BRDT: variants seen among roughly 807,000 people sequenced by gnomAD.
BRDT encodes bromodomain testis-specific protein.
BRDT carries 77 observed loss-of-function variants against 113.9 expected under a neutral mutation model. The ratio of observed to expected loss-of-function variants is 0.68; its 90% CI spans 0.56 to 0.82. BRDT has a LOEUF of 0.82. BRDT is among the 40% of genes least tolerant of loss of function. The pLI is 0.00. For missense variants in BRDT, 1,027 were observed against 1,105.4 expected (o/e 0.93, Z 1.01); for synonymous variants, 358 against 366.5 (o/e 0.98, Z 0.26).
At position 91,962,724 on chromosome 1, in the gene BRDT, T is replaced by A; in HGVS notation, c.-31T>A. ...CTCAGTTTTTGTTTTTCAGGACATGTACTTGTAGACAGGATTCAAAGCAGT... is the reference window on the plus strand; with the variant it reads ...CTCAGTTTTTGTTTTTCAGGACATGAACTTGTAGACAGGATTCAAAGCAGT... On this transcript the variant is annotated 5_prime_UTR_variant, in exon 2 of 19. Transcript: ENST00000399546. 2 of 1,521,118 alleles carry A rather than the reference T, an allele frequency of 1.3e-6. No homozygotes were observed. Among genetic ancestry groups the A allele is most frequent in the Non-Finnish European group, 8.8e-7 (1 of 1,136,256 alleles). 94.2% of individuals were successfully genotyped at this position (1,521,118 alleles called of 1,614,324 possible).
chr1:91,983,607 A>T (rs927481517), intron 12 of BRDT, among the ~76,000 whole-genome samples: 1 of 151,892 alleles, frequency 6.6e-6, no homozygotes, highest in Non-Finnish European at 1.5e-5. Flanking sequence ...TATGGCTGAC[A>T]TTTTTGTTTA....
chr1:91,992,816 G>C lies in BRDT; in HGVS notation c.2115+502G>C, dbSNP rs367726018. ...CTCCCAAAGTGCTGGGATTACAGGC[G>C]TGAGCCACCATGCCTGGCCTTCCCA... On this transcript the variant is annotated intron_variant, in intron 14 of 18. Transcript: ENST00000399546. Among the ~76,000 whole-genome samples the C allele has an allele frequency of 4.3e-3, 657 of 152,258 alleles. 5 individuals carry two copies. The highest frequency in any genetic ancestry group is 0.017 in the Middle Eastern group (5 of 294).
intron 8 of BRDT, 73 bp from the exon 9 acceptor site, chr1:91,980,570 T>A: frequency 1.6e-6 from 2 of 1,264,994 alleles, no homozygotes; most frequent in South Asian, 2.5e-5. Flanking sequence ...GACTTTGGAG[T>A]GGCTTGATTT....
intron 4 of BRDT, among the ~76,000 whole-genome samples, chr1:91,974,859 A>G (rs999107423): frequency 6.6e-6 from 1 of 152,222 alleles, no homozygotes; most frequent in African/African-American, 2.4e-5. Flanking sequence ...ACTATTCACA[A>G]TAGCAAAGAC....
chr1:91,998,413 G>T (rs974411896), intron 15 of BRDT, among the ~76,000 whole-genome samples: 1 of 152,118 alleles, frequency 6.6e-6, no homozygotes, highest in African/African-American at 2.4e-5. Context: ...GTAGATGACA[G>T]GTTGATGGGT....
intron 12 of BRDT, among the ~76,000 whole-genome samples, chr1:91,986,050 T>A (rs1371277784): frequency 1.3e-5 from 2 of 152,216 alleles, no homozygotes; most frequent in African/African-American, 4.8e-5. Flanking sequence ...TGCAGATAAG[T>A]CAAGAACATT....
intron 1 of BRDT, chr1:91,952,350 G>C (rs983399799): frequency 2.0e-5 from 3 of 152,246 alleles, no homozygotes; most frequent in Non-Finnish European, 4.4e-5. Flanking sequence ...TGGGTGGAGA[G>C]AGAGGCCACA....
chr1:91,959,038 C>A (rs545623882), intron 1 of BRDT, among the ~76,000 whole-genome samples: 1 of 151,908 alleles, frequency 6.6e-6, no homozygotes, highest in Admixed American at 6.6e-5. Context: ...GACAGTAAGA[C>A]CCTGACTCAA....
chr1:91,974,506 A>G (rs1047041615), intron 4 of BRDT, among the ~76,000 whole-genome samples: 1 of 152,266 alleles, frequency 6.6e-6, no homozygotes, highest in African/African-American at 2.4e-5. Flanking sequence ...GAAGACATTT[A>G]TGCAGCCAGC....
chr1:91,992,389 A>T, intron 14 of BRDT, 75 bp downstream of exon 14: 2 of 927,482 alleles, frequency 2.2e-6, no homozygotes, highest in Non-Finnish European at 3.1e-6. Flanking sequence ...ACTTTTTAAA[A>T]TAAGTAATAG....
chr1:91,992,008 A>G (rs1334747968), intron 13 of BRDT, among the ~76,000 whole-genome samples: 4 of 148,532 alleles, frequency 2.7e-5, no homozygotes, highest in East Asian at 3.9e-4. Context: ...AAAAAAAAAA[A>G]AAAAAAAAAA....
At chr1:92,007,877 C>T (rs983474087) in intron 18 of BRDT, among the ~76,000 whole-genome samples, 1 of 151,468 alleles carries the variant, frequency 6.6e-6, no homozygotes, top group Non-Finnish European at 1.5e-5. Context: ...CTTTTCATTC[C>T]TTTATTTATT....
Position 91,994,186 on chromosome 1 carries a change from A to G in BRDT, c.2219A>G (p.Asn740Ser). 1 of 1,613,520 alleles carries G rather than the reference A, an allele frequency of 6.2e-7. No individual in the cohort carries two copies. Among genetic ancestry groups the G allele is most frequent in the South Asian group, 1.1e-5 (1 of 91,020 alleles). ...CCAAATCACCACCAATTAGCATTTA[A>G]TTATCAAGAATTAGAACATTTACAG... ...MPPNHHQLAF[N>S]YQELEHLQTV... The change falls in exon 15 of 19, where the codon AAT (asparagine) becomes AGT (serine). Residue 740 changes from asparagine (N) to serine (S), a missense_variant. Asn to Ser is a conservative substitution (Grantham distance 46). Transcript: ENST00000399546.
At chr1:91,963,672 G>A (rs1222951108) in intron 2 of BRDT, among the ~76,000 whole-genome samples, 1 of 151,926 alleles carries the variant, frequency 6.6e-6, no homozygotes, top group Non-Finnish European at 1.5e-5. Context: ...ACTCGAAGCT[G>A]GAATTTTATT....
chr1:91,981,154 A>G lies in BRDT; in HGVS notation c.1726A>G (p.Arg576Gly). ...AGAAAAATATGTTTCGGCATGTCTA[A>G]GAAAGAGACCATTAAAACCTCCTGG... ...ELEKYVSACL[R>G]KRPLKPPAKK... Residue 576 changes from arginine (R) to glycine (G), a missense_variant, in exon 10 of 19, where the codon AGA (arginine) becomes GGA (glycine). Arg to Gly is a moderately radical substitution (Grantham distance 125). Coordinates refer to ENST00000399546, the MANE Select transcript of BRDT (RefSeq NM_207189.4). 6.2e-7 allele frequency: 1 copy of G among 1,610,946 alleles called. No homozygotes were observed. Among genetic ancestry groups the G allele is most frequent in the Non-Finnish European group, 8.5e-7 (1 of 1,179,182 alleles).
rs1686067178 is a variant in BRDT, at chr1:91,994,236, C to A, written c.2269C>A (p.Gln757Lys). ...GACTGTGAAAAACATTTCACCTTTACAAATTCTGCCTCCCTCAGGTAAGAA... is the reference window on the plus strand; with the variant it reads ...GACTGTGAAAAACATTTCACCTTTAAAAATTCTGCCTCCCTCAGGTAAGAA... ...LQTVKNISPLQILPPSGDSEQ... is the reference protein window; with the variant it reads ...LQTVKNISPLKILPPSGDSEQ... The change falls in exon 15 of 19, where the codon CAA becomes AAA. Residue 757 changes from glutamine to lysine, a missense_variant. Physicochemically the swap from Gln to Lys is moderately conservative, Grantham distance 53 (BLOSUM62 1). Transcript: ENST00000399546. 6.2e-7 allele frequency: 1 copy of A among 1,607,446 alleles called. No individual in the cohort carries two copies. Among genetic ancestry groups the A allele is most frequent in the East Asian group, 2.2e-5 (1 of 44,662 alleles).
rs558777876 is a variant in BRDT at position 91,981,692 on chromosome 1, T to C, written c.1939T>C (p.Ser647Pro). 6.2e-7 allele frequency: 1 copy of C among 1,614,024 alleles called. No homozygotes were observed. Among genetic ancestry groups the C allele is most frequent in the Non-Finnish European group, 8.5e-7 (1 of 1,179,982 alleles). Reference sequence around the variant, plus strand: ...TGAGAGCAGCAGCAGCAGCAGCAGCTCATCAGAGTCTGAAAGTAGCAGCAG... The same window carrying C: ...TGAGAGCAGCAGCAGCAGCAGCAGCCCATCAGAGTCTGAAAGTAGCAGCAG... ...LSESSSSSSSSSESESSSSDL... is the reference protein window; with the variant it reads ...LSESSSSSSSPSESESSSSDL... The change falls in exon 12 of 19, where the codon TCA becomes CCA. Residue 647 changes from serine (S) to proline (P), a missense_variant. By Grantham distance (74) the Ser-to-Pro change is moderately conservative. Coordinates refer to ENST00000399546, the MANE Select transcript of BRDT (RefSeq NM_207189.4).
chr1:92,005,860 A>G (rs2101814229), intron 18 of BRDT, among the ~76,000 whole-genome samples: 2 of 152,384 alleles, frequency 1.3e-5, no homozygotes, highest in Admixed American at 1.3e-4. Flanking sequence ...AATTGTGGCC[A>G]GAAGATGTGC....
intron 18 of BRDT, among the ~76,000 whole-genome samples, chr1:92,007,843 C>T (rs79793366): frequency 0.067 from 10,154 of 152,232 alleles, 393 homozygotes; most frequent in African/African-American, 0.096. Context: ...CTTATATTTA[C>T]ATATGCAGTT....
Sources: allele counts gnomAD v4.1 joint callset (sites outside exome capture counted in the v4.1 genomes callset), GRCh38; gene constraint gnomAD v4.1.1; transcripts MANE v1.5; gene names NCBI Gene and HGNC (gene_info 2026-07-23, HGNC 2026-07-21).